The following MAGI1 variants were observed in gnomAD, a reference collection of about 807,000 sequenced individuals.
MAGI1 encodes membrane associated guanylate kinase, WW and PDZ domain containing 1.
Under a neutral mutation model 139.9 loss-of-function variants are expected in MAGI1, and 58 were observed. The ratio of observed to expected loss-of-function variants is 0.41; its 90% CI spans 0.34 to 0.52. The LOEUF is 0.52. Among genes scored for constraint, MAGI1 ranks in the 20% least tolerant of loss-of-function variants. MAGI1 has a pLI of 0.12. For missense variants in MAGI1, 1,874 were observed against 1,901.6 expected (o/e 0.99, Z 0.27); for synonymous variants, 812 against 737.9 (o/e 1.10, Z -1.63).
intron 2 of MAGI1, among the ~76,000 whole-genome samples, chr3:65,569,595 C>G (rs552052621): frequency 1.3e-5 from 2 of 152,122 alleles, no homozygotes; most frequent in African/African-American, 2.4e-5. Flanking sequence ...ATGTTTAAGA[C>G]GGCAGGCACG....
At chr3:65,708,996 A>G (rs965132808) in intron 1 of MAGI1, among the ~76,000 whole-genome samples, 1 of 152,320 alleles carries the variant, frequency 6.6e-6, no homozygotes, top group Non-Finnish European at 1.5e-5. Context: ...ATAAAGGTTA[A>G]CAGAGGTTTT....
At chr3:65,360,370 A>C (rs201221567) in intron 22 of MAGI1, 7 of 951,472 alleles carry the variant, frequency 7.4e-6, no homozygotes, top group Middle Eastern at 1.1e-3. Flanking sequence ...TTTTTTTTTA[A>C]TTTTAAACAC....
chr3:65,696,668 G>A (rs973102973), intron 1 of MAGI1, among the ~76,000 whole-genome samples: 1 of 151,582 alleles, frequency 6.6e-6, no homozygotes, highest in African/African-American at 2.4e-5. Flanking sequence ...CCTAACATTT[G>A]TGGCAATACA....
At chr3:65,850,081 T>C (rs2059151632) in intron 1 of MAGI1, among the ~76,000 whole-genome samples, 1 of 152,182 alleles carries the variant, frequency 6.6e-6, no homozygotes, top group Non-Finnish European at 1.5e-5. Flanking sequence ...AAATCACTGA[T>C]ATTAGAAGTG....
rs1560047183 is a variant in MAGI1 at position 65,951,019 on chromosome 3, GGAAGGAAGGAAGGAAGGAAA to G, written c.313+86957_313+86976del. Among the ~76,000 whole-genome samples, 163 of 116,392 alleles carry G rather than the reference GGAAGGAAGGAAGGAAGGAAA, an allele frequency of 1.4e-3. 2 individuals carry two copies. The highest frequency in any genetic ancestry group is 4.3e-3 in the Middle Eastern group (1 of 230). 76.4% of individuals were successfully genotyped at this position (116,392 alleles called of 152,430 possible). ...AGGAAGGAAGGAAGGAAGGAAGGAA[GGAAGGAAGGAAGGAAGGAAA>G]GGAGGGAGGGAGGGAGGAAGGTGGG... is the stretch of plus-strand genomic sequence containing the variant. On this transcript the variant is annotated intron_variant, in intron 1 of 22. Transcript: ENST00000402939.
chr3:65,764,103 T>C (rs993820276), intron 1 of MAGI1, among the ~76,000 whole-genome samples: 3 of 145,148 alleles, frequency 2.1e-5, no homozygotes, highest in African/African-American at 7.5e-5. Flanking sequence ...AAAAAAAACC[T>C]TGTTGTTCAA....
At chr3:65,367,134 G>T (rs1352350877) in intron 18 of MAGI1, among the ~76,000 whole-genome samples, 1 of 152,172 alleles carries the variant, frequency 6.6e-6, no homozygotes, top group Admixed American at 6.5e-5. Flanking sequence ...TCACCAGGTT[G>T]TTCAGGCCAT....
At chr3:65,757,705 G>A (rs2036676570) in intron 1 of MAGI1, among the ~76,000 whole-genome samples, 1 of 152,156 alleles carries the variant, frequency 6.6e-6, no homozygotes, top group Admixed American at 6.5e-5. Context: ...TCTCAGAAGT[G>A]TTTCAGTTTA....
At chr3:65,548,811 C>T (rs1007993822) in intron 2 of MAGI1, among the ~76,000 whole-genome samples, 17 of 152,140 alleles carry the variant, frequency 1.1e-4, no homozygotes, top group Non-Finnish European at 8.8e-5. Flanking sequence ...GTGTAAGCCA[C>T]CGCTCCCGGC....
chr3:65,839,808 A>G (rs1047124898), intron 1 of MAGI1, among the ~76,000 whole-genome samples: 3 of 152,210 alleles, frequency 2.0e-5, no homozygotes, highest in South Asian at 2.1e-4. Context: ...AGATGAAAAA[A>G]TAAGTTATGA....
intron 2 of MAGI1, among the ~76,000 whole-genome samples, chr3:65,610,626 C>T (rs2082999286): frequency 6.6e-6 from 1 of 150,880 alleles, no homozygotes; most frequent in Non-Finnish European, 1.5e-5. Context: ...TTGATGAAAT[C>T]TAAGAATACA....
chr3:65,609,279 T>TA (rs2082913498), intron 2 of MAGI1, among the ~76,000 whole-genome samples: 1 of 146,656 alleles, frequency 6.8e-6, no homozygotes, highest in African/African-American at 2.6e-5. Flanking sequence ...TCTCTCTCTT[T>TA]TTTTTGTTTT....
At chr3:65,547,924 A>G (rs934268921) in intron 2 of MAGI1, among the ~76,000 whole-genome samples, 3 of 152,220 alleles carry the variant, frequency 2.0e-5, no homozygotes, top group African/African-American at 7.2e-5. Context: ...TCAACTATGA[A>G]GTTCATTGGG....
chr3:65,848,549 T>C (rs1328643770), intron 1 of MAGI1, among the ~76,000 whole-genome samples: 1 of 151,328 alleles, frequency 6.6e-6, no homozygotes, highest in African/African-American at 2.4e-5. Context: ...AAACAACTGC[T>C]CTCTTAAGTT....
chr3:65,354,876 T>C lies in MAGI1; in HGVS notation c.*1502A>G, dbSNP rs1246044189. 6.6e-6 allele frequency: 1 copy of C among 152,384 alleles called. No individual in the cohort carries two copies. Among genetic ancestry groups the C allele is most frequent in the East Asian group, 1.9e-4 (1 of 5,202 alleles). 9.4% of individuals were successfully genotyped at this position (152,384 alleles called of 1,614,324 possible). A position where few individuals can be genotyped will look rare whatever the true frequency, so the allele number is the denominator to read the frequency against. On this transcript the variant is annotated 3_prime_UTR_variant, in exon 23 of 23. Transcript: ENST00000402939. The stretch of plus-strand genomic sequence containing the variant: ...TAGCTCTGTACACGCAATGATTGGC[T>C]GGTTTTCTTTTTTTTTTTCTTTTTC...
At chr3:65,887,337 A>G (rs1361370424) in intron 1 of MAGI1, among the ~76,000 whole-genome samples, 2 of 151,568 alleles carry the variant, frequency 1.3e-5, no homozygotes, top group Non-Finnish European at 2.9e-5. Context: ...TAATACACAA[A>G]AACTACAAAA....
intron 1 of MAGI1, among the ~76,000 whole-genome samples, chr3:66,005,672 G>A (rs1217591528): frequency 1.3e-5 from 2 of 152,130 alleles, no homozygotes; most frequent in African/African-American, 4.8e-5. Flanking sequence ...AAATCAAAGG[G>A]AGAGAAGAAA....
intron 1 of MAGI1, among the ~76,000 whole-genome samples, chr3:66,029,017 C>T (rs185649552): frequency 6.6e-6 from 1 of 152,256 alleles, no homozygotes; most frequent in East Asian, 1.9e-4. Context: ...ATGTGGTTTA[C>T]TTTCTACTTT....
At chr3:65,877,915 T>G (rs1329050307) in intron 1 of MAGI1, among the ~76,000 whole-genome samples, 3 of 152,036 alleles carry the variant, frequency 2.0e-5, no homozygotes, top group Non-Finnish European at 4.4e-5. Context: ...GAGACCAGCC[T>G]GGGCAATATG....
Sources: allele counts gnomAD v4.1 joint callset (sites outside exome capture counted in the v4.1 genomes callset), GRCh38; gene constraint gnomAD v4.1.1; transcripts MANE v1.5; gene names NCBI Gene and HGNC (gene_info 2026-07-23, HGNC 2026-07-21).